The following SLC9C2 variants were observed in gnomAD, a reference collection of about 807,000 sequenced individuals.
SLC9C2 encodes solute carrier family 9 member C2 (putative), also known as sodium/hydrogen exchanger 11.
In SLC9C2, 75 loss-of-function variants were observed where a neutral mutation model predicts 140.2. The ratio of observed to expected loss-of-function variants is 0.53; its 90% confidence interval spans 0.44 to 0.65. The LOEUF is 0.65. SLC9C2 is among the 30% of genes least tolerant of loss of function. SLC9C2 has a pLI of 0.00. For missense variants in SLC9C2, 1,074 were observed against 1,331.8 expected (o/e 0.81, Z 3.01); for synonymous variants, 375 against 420.9 (o/e 0.89, Z 1.34).
intron 11 of SLC9C2, among the ~76,000 whole-genome samples, chr1:173,553,544 C>T (rs567691443): frequency 6.6e-6 from 1 of 152,228 alleles, no homozygotes; most frequent in African/African-American, 2.4e-5. Flanking sequence ...GCTATCAACC[C>T]TGCACCAGCA....
chr1:173,588,569 A>G (rs1665985571), intron 4 of SLC9C2, among the ~76,000 whole-genome samples: 1 of 152,196 alleles, frequency 6.6e-6, no homozygotes, highest in South Asian at 2.1e-4. Flanking sequence ...CATGAATTAC[A>G]TTAAGCAATT....
chr1:173,541,809 A>G (rs1401803294), intron 13 of SLC9C2, among the ~76,000 whole-genome samples: 1 of 152,246 alleles, frequency 6.6e-6, no homozygotes, highest in African/African-American at 2.4e-5. Context: ...CTTTGAAACC[A>G]ATGAGAACAA....
At chr1:173,572,031 C>T (rs1406866666) in intron 9 of SLC9C2, among the ~76,000 whole-genome samples, 1 of 152,174 alleles carries the variant, frequency 6.6e-6, no homozygotes, top group Admixed American at 6.5e-5. Flanking sequence ...CACAGCAACC[C>T]TCTGAGATGA....
intron 18 of SLC9C2, among the ~76,000 whole-genome samples, chr1:173,529,362 T>C (rs1406659821): frequency 2.0e-5 from 3 of 152,120 alleles, no homozygotes; most frequent in Admixed American, 6.6e-5. Context: ...CGAGGGAGCC[T>C]GGTTAGGAGA....
intron 19 of SLC9C2, among the ~76,000 whole-genome samples, chr1:173,525,261 T>C (rs1353844551): frequency 6.6e-6 from 1 of 152,210 alleles, no homozygotes; most frequent in Non-Finnish European, 1.5e-5. Context: ...GTATAATTTT[T>C]GTTGGTTAGA....
intron 22 of SLC9C2, among the ~76,000 whole-genome samples, chr1:173,520,072 C>T (rs926482669): frequency 2.0e-5 from 3 of 152,034 alleles, no homozygotes; most frequent in Non-Finnish European, 2.9e-5. Context: ...CACTTGAACC[C>T]GACGGACAGA....
intron 13 of SLC9C2, among the ~76,000 whole-genome samples, chr1:173,542,426 A>G (rs1483006029): frequency 6.6e-6 from 1 of 152,236 alleles, no homozygotes; most frequent in African/African-American, 2.4e-5. Context: ...ATTCTACCAG[A>G]AGTACAAAGA....
In SLC9C2 at chr1:173,546,758, C is replaced by T. The variant is rs374293991; in HGVS notation, c.1557+931G>A. ...AAACTGTAAAAATAAATATTTATCA[C>T]ATTTCTGAGACAATTGGAAATCTTA... On this transcript the variant is annotated intron_variant, in intron 13 of 27. Coordinates refer to ENST00000367714, the MANE Select transcript of SLC9C2 (RefSeq NM_178527.4). Among the ~76,000 whole-genome samples the T allele has an allele frequency of 3.2e-4, 48 of 152,204 alleles. No homozygotes were observed. In the Middle Eastern group the frequency reaches 0.01, roughly 32 times the overall value.
At chr1:173,535,128 G>A (rs1661850247) in intron 15 of SLC9C2, among the ~76,000 whole-genome samples, 1 of 151,970 alleles carries the variant, frequency 6.6e-6, no homozygotes, top group African/African-American at 2.4e-5. Flanking sequence ...TATATGTCAA[G>A]GTCCTACACT....
intron 9 of SLC9C2, among the ~76,000 whole-genome samples, chr1:173,569,095 G>T (rs1161767523): frequency 6.6e-6 from 1 of 152,018 alleles, no homozygotes; most frequent in Non-Finnish European, 1.5e-5. Context: ...TTGGGTAAAA[G>T]TTATTTTCCT....
At chr1:173,520,933 T>A (rs929451353) in intron 22 of SLC9C2, among the ~76,000 whole-genome samples, 2 of 152,186 alleles carry the variant, frequency 1.3e-5, no homozygotes, top group East Asian at 3.8e-4. Context: ...TCTGTCTCTC[T>A]CTCTGGTCAA....
intron 19 of SLC9C2, 37 bp from the exon 20 acceptor site, chr1:173,524,964 T>G: frequency 6.2e-7 from 1 of 1,601,724 alleles, no homozygotes. Context: ...AAGTGGCCTA[T>G]GCAATAACCA....
At chr1:173,562,146 C>T (rs1448445439) in intron 9 of SLC9C2, among the ~76,000 whole-genome samples, 2 of 152,036 alleles carry the variant, frequency 1.3e-5, no homozygotes. Flanking sequence ...AGAAACTAGC[C>T]CCTGTGCCCA....
chr1:173,507,742 C>G (rs1171358035), intron 24 of SLC9C2, among the ~76,000 whole-genome samples: 2 of 152,172 alleles, frequency 1.3e-5, no homozygotes, highest in African/African-American at 4.8e-5. Context: ...AATATAAAGG[C>G]AGCCATTTAT....
intron 18 of SLC9C2, among the ~76,000 whole-genome samples, chr1:173,528,152 T>TG: frequency 6.6e-6 from 1 of 152,222 alleles, no homozygotes. Context: ...CATGAAAGCC[T>TG]GGGCATACAT....
Position 173,500,948 on chromosome 1 carries a change from G to T in SLC9C2, c.*146C>A. On this transcript the variant is annotated 3_prime_UTR_variant, in exon 28 of 28. Coordinates refer to ENST00000367714, the MANE Select transcript of SLC9C2 (RefSeq NM_178527.4). ...ATCCATTGCTTATAAACTAAATGCA[G>T]CAGTAACCTGTTTCAGTAGCTTCTA... The T allele has an allele frequency of 1.1e-6, 1 of 882,634 alleles. No individual in the cohort carries two copies. The highest frequency in any genetic ancestry group is 1.5e-6 in the Non-Finnish European group (1 of 652,720). The allele number at this position is 882,634 out of a possible 1,614,324, so 54.7% of individuals were successfully genotyped here.
intron 22 of SLC9C2, among the ~76,000 whole-genome samples, chr1:173,518,813 A>G (rs1167280484): frequency 7.2e-5 from 11 of 152,136 alleles, no homozygotes; most frequent in Non-Finnish European, 1.5e-4. Context: ...TTTGAATGCA[A>G]TTCAAAGGAT....
At chr1:173,540,651 C>A (rs1461996449) in intron 13 of SLC9C2, among the ~76,000 whole-genome samples, 1 of 152,156 alleles carries the variant, frequency 6.6e-6, no homozygotes, top group Non-Finnish European at 1.5e-5. Context: ...AGAAAATGTA[C>A]CTCATGAATC....
intron 19 of SLC9C2, among the ~76,000 whole-genome samples, chr1:173,525,935 T>C (rs1240816853): frequency 6.6e-6 from 1 of 152,238 alleles, no homozygotes; most frequent in East Asian, 1.9e-4. Context: ...ACTTACACTT[T>C]CATTCATTAG....
Sources: gnomAD v4.1 joint callset for allele counts (sites outside exome capture counted in the v4.1 genomes callset) on GRCh38, gnomAD v4.1.1 for gene constraint, MANE v1.5 for transcripts, NCBI Gene and HGNC (gene_info 2026-07-23, HGNC 2026-07-21) for gene names.